AKT3: variants seen among roughly 807,000 people sequenced by gnomAD.
The protein encoded by AKT3 is RAC-gamma serine/threonine-protein kinase.
A neutral mutation model predicts 65.3 loss-of-function variants in AKT3; 15 were observed. The ratio of observed to expected loss-of-function variants is 0.23; its 90% CI spans 0.15 to 0.35. AKT3 has a LOEUF of 0.35. Among genes scored for constraint, AKT3 ranks in the 10% least tolerant of loss-of-function variants. The probability of loss-of-function intolerance (pLI) is 1.00; values close to 1 mark genes in which losing one functional copy is unlikely to be tolerated. For missense variants in AKT3, 243 were observed against 576.5 expected (o/e 0.42, Z 5.92); for synonymous variants, 206 against 183.8 (o/e 1.12, Z -0.98).
rs1227039577 is a variant in AKT3, at chr1:243,745,680, A to G, written c.47-49964T>C. 3.9e-5 allele frequency among the ~76,000 whole-genome samples: 6 copies of G among 152,140 alleles called. 1 individual carries two copies. The highest frequency in any genetic ancestry group is 3.9e-4 in the Admixed American group (6 of 15,272). On this transcript the variant is annotated intron_variant, in intron 2 of 13. Transcript: ENST00000673466. ...ACACAATTCACGAGCTTAAAACATT[A>G]TAGGATTTATTTTGATTTTTTTTTA...
chr1:243,650,434 G>A lies in AKT3; in HGVS notation c.285-4397C>T, dbSNP rs549493222. On this transcript the variant is annotated intron_variant, in intron 4 of 13. Transcript: ENST00000673466. Reference sequence around the variant, plus strand: ...AATTAAATCCCATTTGTCAATTTTCGCTTTTGTTGCCATTGCTTTTGGTGT... The same window carrying A: ...AATTAAATCCCATTTGTCAATTTTCACTTTTGTTGCCATTGCTTTTGGTGT... Among the ~76,000 whole-genome samples, 366 of 152,220 alleles carry A rather than the reference G, an allele frequency of 2.4e-3. 5 individuals carry two copies. The highest frequency in any genetic ancestry group is 8.3e-3 in the African/African-American group (345 of 41,548).
intron 6 of AKT3, among the ~76,000 whole-genome samples, chr1:243,617,913 T>C (rs1299364321): frequency 1.3e-5 from 2 of 152,098 alleles, no homozygotes; most frequent in Non-Finnish European, 2.9e-5. Flanking sequence ...CACAGACATT[T>C]TAATAGGCAG....
At chr1:243,835,092 G>C (rs1694808667) in intron 2 of AKT3, among the ~76,000 whole-genome samples, 1 of 152,100 alleles carries the variant, frequency 6.6e-6, no homozygotes, top group South Asian at 2.1e-4. Flanking sequence ...CTCAAGAATA[G>C]AGTTCCTCAA....
At chr1:243,489,821 C>G (rs1322195860) in intron 13 of AKT3, among the ~76,000 whole-genome samples, 1 of 152,186 alleles carries the variant, frequency 6.6e-6, no homozygotes, top group Admixed American at 6.5e-5. Flanking sequence ...CCAGGCTTTC[C>G]CCATTCAGGT....
chr1:243,621,994 T>C (rs1678788102), intron 6 of AKT3, among the ~76,000 whole-genome samples: 1 of 152,214 alleles, frequency 6.6e-6, no homozygotes, highest in Non-Finnish European at 1.5e-5. Flanking sequence ...ATCCACAGTC[T>C]ATTGTCAACA....
intron 2 of AKT3, among the ~76,000 whole-genome samples, chr1:243,817,845 T>C (rs758273107): frequency 6.6e-6 from 1 of 152,254 alleles, no homozygotes; most frequent in Non-Finnish European, 1.5e-5. Context: ...TTCCATTATT[T>C]ACTTACTTGA....
chr1:243,704,918 ACT>A (rs1313527137), intron 2 of AKT3, among the ~76,000 whole-genome samples: 1 of 152,140 alleles, frequency 6.6e-6, no homozygotes, highest in African/African-American at 2.4e-5. Flanking sequence ...ACTCTGGGTC[ACT>A]GAGATGTTTG....
At chr1:243,769,006 TCCCTCATC>T (rs74162711) in intron 2 of AKT3, among the ~76,000 whole-genome samples, 75,969 of 151,342 alleles carry the variant, frequency 0.5, 23,096 homozygotes, top group Non-Finnish European at 0.68. Context: ...CATTCTCCAT[TCCCTCATC>T]CCCTCATCTC....
At chr1:243,780,376 T>A (rs1029419869) in intron 2 of AKT3, among the ~76,000 whole-genome samples, 1 of 152,130 alleles carries the variant, frequency 6.6e-6, no homozygotes, top group African/African-American at 2.4e-5. Context: ...ATTGGCAATA[T>A]CTGCATAACC....
chr1:243,714,791 T>C (rs1443854796), intron 2 of AKT3, among the ~76,000 whole-genome samples: 1 of 152,172 alleles, frequency 6.6e-6, no homozygotes, highest in Non-Finnish European at 1.5e-5. Context: ...AGAAAGACTT[T>C]AATAACACTA....
At chr1:243,656,526 AAAAG>A (rs1427831065) in intron 4 of AKT3, among the ~76,000 whole-genome samples, 2 of 152,188 alleles carry the variant, frequency 1.3e-5, no homozygotes, top group African/African-American at 2.4e-5. Flanking sequence ...TGGGGACCCA[AAAAG>A]AAAGGTAATT....
rs1669529606 is a variant in AKT3 at position 243,504,371 on chromosome 1, A to G, written c.*878T>C. ...ACCTTGGTGTAGAAATTTTGGTGAAAAGCAGTATCATTATACCTGTCTACA... is the reference window on the plus strand; with the variant it reads ...ACCTTGGTGTAGAAATTTTGGTGAAGAGCAGTATCATTATACCTGTCTACA... On this transcript the variant is annotated 3_prime_UTR_variant, in exon 14 of 14. Coordinates refer to ENST00000673466, the MANE Select transcript of AKT3 (RefSeq NM_005465.7). 1 of 199,016 alleles carries G rather than the reference A, an allele frequency of 5.0e-6. No individual in the cohort carries two copies. Among genetic ancestry groups the G allele is most frequent in the East Asian group, 7.8e-5 (1 of 12,776 alleles). The allele number at this position is 199,016 out of a possible 1,614,324, so 12.3% of individuals were successfully genotyped here.
intron 2 of AKT3, among the ~76,000 whole-genome samples, chr1:243,765,342 GA>G (rs897323796): frequency 1.3e-4 from 20 of 150,626 alleles, no homozygotes; most frequent in African/African-American, 4.6e-4. Context: ...AAAAGGAAAA[GA>G]AAAAAAAATA....
At chr1:243,760,608 C>T in intron 2 of AKT3, among the ~76,000 whole-genome samples, 1 of 152,146 alleles carries the variant, frequency 6.6e-6, no homozygotes, top group Middle Eastern at 3.2e-3. Context: ...TTTGAATAAA[C>T]TGATGCCCAT....
chr1:243,818,731 C>T (rs1252948681), intron 2 of AKT3, among the ~76,000 whole-genome samples: 1 of 151,950 alleles, frequency 6.6e-6, no homozygotes, highest in African/African-American at 2.4e-5. Flanking sequence ...TGACAGGCGC[C>T]AAGATGGCCA....
intron 2 of AKT3, among the ~76,000 whole-genome samples, chr1:243,806,790 C>G (rs1485030693): frequency 6.6e-6 from 1 of 152,092 alleles, no homozygotes; most frequent in Non-Finnish European, 1.5e-5. Context: ...AATATGCATA[C>G]ATGGAACTCA....
intron 2 of AKT3, among the ~76,000 whole-genome samples, chr1:243,758,687 T>C (rs866618056): frequency 6.6e-6 from 1 of 152,160 alleles, no homozygotes; most frequent in Non-Finnish European, 1.5e-5. Context: ...ATTCATTAGT[T>C]AGAGTTAGTA....
At chr1:243,581,914 T>C (rs1051126684) in intron 8 of AKT3, among the ~76,000 whole-genome samples, 2 of 151,972 alleles carry the variant, frequency 1.3e-5, no homozygotes, top group East Asian at 1.9e-4. Context: ...CTTTCTGGAA[T>C]TGAAAAAATT....
intron 2 of AKT3, among the ~76,000 whole-genome samples, chr1:243,776,864 G>A (rs944022107): frequency 5.3e-5 from 8 of 152,140 alleles, no homozygotes; most frequent in African/African-American, 1.7e-4. Context: ...TAAGGAATTC[G>A]TATATCTAAT....
Sources: gnomAD v4.1 joint callset for allele counts (sites outside exome capture counted in the v4.1 genomes callset) on GRCh38, gnomAD v4.1.1 for gene constraint, MANE v1.5 for transcripts, NCBI Gene and HGNC (gene_info 2026-07-23, HGNC 2026-07-21) for gene names.